The following CAMK4 variants were observed in gnomAD, a reference collection of about 807,000 sequenced individuals.
CAMK4 encodes calcium/calmodulin-dependent protein kinase type IV.
Under a neutral mutation model 44.9 loss-of-function variants are expected in CAMK4, and 22 were observed. The observed-to-expected ratio is 0.49, with a 90% CI of 0.35 to 0.70. CAMK4 has a LOEUF of 0.70. CAMK4 is among the 30% of genes least tolerant of loss of function. The pLI, the probability that CAMK4 is intolerant of heterozygous loss-of-function variation, is 0.01. For missense variants in CAMK4, 498 were observed against 586.8 expected (o/e 0.85, Z 1.56); for synonymous variants, 218 against 215.4 (o/e 1.01, Z -0.11).
intron 1 of CAMK4, among the ~76,000 whole-genome samples, chr5:111,341,459 C>CT (rs36122441): frequency 1.4e-4 from 21 of 150,546 alleles, no homozygotes; most frequent in African/African-American, 3.9e-4. Flanking sequence ...TTTAGAAAAA[C>CT]TTTTTTTTGT....
At chr5:111,337,387 G>T (rs149662233) in intron 1 of CAMK4, among the ~76,000 whole-genome samples, 1 of 151,070 alleles carries the variant, frequency 6.6e-6, no homozygotes, top group African/African-American at 2.4e-5. Context: ...ACATACATAG[G>T]TCATATGATA....
chr5:111,252,844 A>G (rs1444760709), intron 1 of CAMK4, among the ~76,000 whole-genome samples: 1 of 152,172 alleles, frequency 6.6e-6, no homozygotes, highest in Non-Finnish European at 1.5e-5. Flanking sequence ...AGGGGTGAAA[A>G]CAGCATTGTA....
intron 5 of CAMK4, among the ~76,000 whole-genome samples, chr5:111,440,937 A>G (rs566009496): frequency 3.3e-5 from 5 of 152,326 alleles, no homozygotes; most frequent in Non-Finnish European, 5.9e-5. Context: ...TAGAATATCT[A>G]CTACATGCTC....
At chr5:111,364,336 C>T (rs1750710319) in intron 2 of CAMK4, among the ~76,000 whole-genome samples, 1 of 152,092 alleles carries the variant, frequency 6.6e-6, no homozygotes, top group African/African-American at 2.4e-5. Context: ...TCCTCTTCTC[C>T]CTGCCTCTGC....
chr5:111,300,978 A>G (rs1580552004), intron 1 of CAMK4, among the ~76,000 whole-genome samples: 1 of 108,716 alleles, frequency 9.2e-6, no homozygotes, highest in African/African-American at 3.9e-5. Flanking sequence ...GATTTTATTT[A>G]TTATTAAGAA....
intron 5 of CAMK4, among the ~76,000 whole-genome samples, chr5:111,406,279 G>A (rs950078870): frequency 6.6e-6 from 1 of 151,276 alleles, no homozygotes; most frequent in Non-Finnish European, 1.5e-5. Flanking sequence ...GGAGTGCAGT[G>A]GTGTGATATT....
At chr5:111,244,759 G>T (rs1381244236) in intron 1 of CAMK4, among the ~76,000 whole-genome samples, 1 of 152,112 alleles carries the variant, frequency 6.6e-6, no homozygotes, top group Non-Finnish European at 1.5e-5. Context: ...TACTTGGGGG[G>T]CTGAGGCAAG....
chr5:111,452,555 T>C (rs1351164369), intron 7 of CAMK4, among the ~76,000 whole-genome samples: 5 of 152,368 alleles, frequency 3.3e-5, no homozygotes, highest in African/African-American at 9.6e-5. Context: ...CACATGCTCA[T>C]GTCCTTCCTT....
intron 1 of CAMK4, among the ~76,000 whole-genome samples, chr5:111,240,817 A>G (rs771861430): frequency 7.2e-5 from 11 of 152,186 alleles, no homozygotes; most frequent in Non-Finnish European, 1.6e-4. Context: ...GGGCAATGCT[A>G]AGAGTCAAAA....
intron 1 of CAMK4, among the ~76,000 whole-genome samples, chr5:111,315,707 A>T (rs753043613): frequency 6.6e-6 from 1 of 152,090 alleles, no homozygotes; most frequent in Non-Finnish European, 1.5e-5. Context: ...AGCTAAATAA[A>T]TGTTAGCTTG....
intron 5 of CAMK4, among the ~76,000 whole-genome samples, chr5:111,395,426 A>G (rs1580696684): frequency 6.8e-6 from 1 of 146,284 alleles, no homozygotes; most frequent in Non-Finnish European, 1.5e-5. Flanking sequence ...TTTCTTTCCC[A>G]TTTCTTGAGT....
At position 111,486,261 on chromosome 5, in the gene CAMK4, A is replaced by G; in HGVS notation, c.*1795A>G. ...TGATATGGAGCCCCTGAAGAAGCAC[A>G]TCATCTGGGCTCAGAAGATTATTTT... is the stretch of plus-strand genomic sequence containing the variant. On this transcript the variant is annotated 3_prime_UTR_variant, in exon 11 of 11. Transcript: ENST00000282356. 1 of 152,054 alleles carries G rather than the reference A, an allele frequency of 6.6e-6. No homozygotes were observed. The highest frequency in any genetic ancestry group is 1.9e-4 in the East Asian group (1 of 5,182). 9.4% of individuals were successfully genotyped at this position (152,054 alleles called of 1,614,324 possible). A position where few individuals can be genotyped will look rare whatever the true frequency, so the allele number is the denominator to read the frequency against.
intron 5 of CAMK4, among the ~76,000 whole-genome samples, chr5:111,435,419 G>A (rs531246463): frequency 4.7e-4 from 71 of 151,958 alleles, no homozygotes; most frequent in Non-Finnish European, 6.2e-4. Context: ...CTAAAGCACA[G>A]CCATCTTTCA....
rs79709723 is a variant in CAMK4 at position 111,229,483 on chromosome 5, G to C, written c.161+4839G>C. On this transcript the variant is annotated intron_variant, in intron 1 of 10. Transcript: ENST00000282356. ...ACCATCATATTGGAGTTGGAATAAG[G>C]CTTCAACATGTGAATTTTGAGGGGA... Among the ~76,000 whole-genome samples the C allele has an allele frequency of 1.6e-3, 240 of 152,348 alleles. 3 individuals carry two copies. In the East Asian group the frequency reaches 0.035, roughly 22 times the overall value.
rs141026777 is a variant in CAMK4, at chr5:111,386,507, T to G, written c.387-8203T>G. On this transcript the variant is annotated intron_variant, in intron 4 of 10. Coordinates refer to ENST00000282356, the MANE Select transcript of CAMK4 (RefSeq NM_001744.6). ...CTGGGGCCTCAGGATATGATCAGAT[T>G]AGAGCTCTTCAGCTGCTGTGCGCGT... Among the ~76,000 whole-genome samples, 253 of 152,300 alleles carry G rather than the reference T, an allele frequency of 1.7e-3. 2 individuals are homozygous for G. The highest frequency in any genetic ancestry group is 2.4e-3 in the Non-Finnish European group (164 of 68,016).
chr5:111,418,223 A>G (rs1200550274), intron 5 of CAMK4, among the ~76,000 whole-genome samples: 5 of 152,200 alleles, frequency 3.3e-5, no homozygotes, highest in African/African-American at 7.2e-5. Context: ...ATGCCCCACA[A>G]GCTGCAAAAA....
chr5:111,293,846 A>G (rs916893009), intron 1 of CAMK4, among the ~76,000 whole-genome samples: 2 of 143,650 alleles, frequency 1.4e-5, no homozygotes, highest in Non-Finnish European at 3.0e-5. Context: ...TCCCGGGTTC[A>G]TGCCATTCTC....
Position 111,484,439 on chromosome 5 carries a change from G to A in CAMK4, c.1395G>A (p.Gln465=). The A allele has an allele frequency of 4.6e-6, 7 of 1,525,822 alleles. No individual in the cohort carries two copies. Among genetic ancestry groups the A allele is most frequent in the Non-Finnish European group, 6.1e-6 (7 of 1,138,406 alleles). The allele number at this position is 1,525,822 out of a possible 1,614,324, so 94.5% of individuals were successfully genotyped here. A position where few individuals can be genotyped will look rare whatever the true frequency, so the allele number is the denominator to read the frequency against. ...GSSAVGFEVP[Q]QDVILPEY ...CTGCTGTGGGTTTTGAAGTTCCACA[G>A]CAAGATGTGATCCTGCCAGAGTACT... The change falls in exon 11 of 11, where the codon CAG becomes CAA. Residue 465 remains glutamine, a synonymous_variant. Coordinates refer to ENST00000282356, the MANE Select transcript of CAMK4 (RefSeq NM_001744.6). This position sits in a 1 kb window ranked among gnomAD's most constrained non-coding sequence, Gnocchi z 5.3.
At chr5:111,329,305 T>C (rs967906078) in intron 1 of CAMK4, among the ~76,000 whole-genome samples, 5 of 151,826 alleles carry the variant, frequency 3.3e-5, no homozygotes, top group African/African-American at 1.2e-4. Flanking sequence ...GCATTCCCTT[T>C]AAAAATGGGC....
Sources: allele counts gnomAD v4.1 joint callset (sites outside exome capture counted in the v4.1 genomes callset), GRCh38; gene constraint gnomAD v4.1.1; non-coding constraint Gnocchi (gnomAD v3.1); transcripts MANE v1.5; gene names NCBI Gene and HGNC (gene_info 2026-07-23, HGNC 2026-07-21).